OXNAD1: variants seen among roughly 807,000 people sequenced by gnomAD.
OXNAD1 encodes the protein oxidoreductase NAD binding domain containing 1, also known as oxidoreductase NAD-binding domain-containing protein 1.
In OXNAD1, 34 loss-of-function variants were observed where a neutral mutation model predicts 32.9. The ratio of observed to expected loss-of-function variants is 1.03; its 90% CI spans 0.79 to 1.38. The LOEUF (loss-of-function observed/expected upper bound fraction) is 1.38. OXNAD1 is among the 40% of genes most tolerant of loss of function. OXNAD1 has a pLI of 0.00. For synonymous variants in OXNAD1, 134 were observed against 135.2 expected (o/e 0.99, Z 0.06); for missense variants, 407 against 379.4 (o/e 1.07, Z -0.60).
chr3:16,344,207 A>C lies in OXNAD1; in HGVS notation c.*31-4969A>C, dbSNP rs1031207562. On this transcript the variant is annotated intron_variant, in intron 9 of 9. Transcript: ENST00000606098. The surrounding 1 kb of genome is among the most constrained non-coding windows in gnomAD (Gnocchi z 4.4). ...GTTGATACTTAAATGTATTCCTATTACATTTTATTGGGCTGGTTTTTGTCC... is the reference window on the plus strand; with the variant it reads ...GTTGATACTTAAATGTATTCCTATTCCATTTTATTGGGCTGGTTTTTGTCC... Among the ~76,000 whole-genome samples, 5 of 152,204 alleles carry C rather than the reference A, an allele frequency of 3.3e-5. No individual in the cohort carries two copies. Among genetic ancestry groups the C allele is most frequent in the Admixed American group, 6.5e-5 (1 of 15,272 alleles).
rs1353146049 is a variant in OXNAD1 at position 16,346,324 on chromosome 3, AACTT to A, written c.*31-2847_*31-2844del. 2.0e-5 allele frequency: 3 copies of A among 152,202 alleles called. No homozygotes were observed. Among genetic ancestry groups the A allele is most frequent in the South Asian group, 2.1e-4 (1 of 4,826 alleles). The allele number at this position is 152,202 out of a possible 1,614,324, so 9.4% of individuals were successfully genotyped here. On this transcript the variant is annotated intron_variant, in intron 9 of 9. Coordinates refer to the OXNAD1 transcript ENST00000606098. The surrounding 1 kb of genome is among the most constrained non-coding windows in gnomAD (Gnocchi z 4.4). The stretch of plus-strand genomic sequence containing the variant: ...GTTGGATAAATTTTTAAAAAGATAT[AACTT>A]ACTTGTATCACTAAATTTTGTATAT...
At position 16,271,841 on chromosome 3, in the gene OXNAD1, T is replaced by G. The variant is rs548527537; in HGVS notation, c.183+119T>G. 6.7e-5 allele frequency: 59 copies of G among 874,634 alleles called. No homozygotes were observed. Among genetic ancestry groups the G allele is most frequent in the Non-Finnish European group, 9.4e-5 (54 of 575,004 alleles). 54.2% of individuals were successfully genotyped at this position (874,634 alleles called of 1,614,324 possible). A position where few individuals can be genotyped will look rare whatever the true frequency, so the allele number is the denominator to read the frequency against. On this transcript the variant is annotated intron_variant, in intron 4 of 8. Coordinates refer to ENST00000285083, the MANE Select transcript of OXNAD1 (RefSeq NM_138381.5). This position sits in a 1 kb window ranked among gnomAD's most constrained non-coding sequence, Gnocchi z 4.6. ...CCTTTTGAAGGAGAGTTGGGAAGTTTGTTATTTTTCTATTTAGAAATTTTC... is the reference window on the plus strand; with the variant it reads ...CCTTTTGAAGGAGAGTTGGGAAGTTGGTTATTTTTCTATTTAGAAATTTTC...
At chr3:16,323,523 T>A in intron 9 of OXNAD1, 1 of 1,141,696 alleles carries the variant, frequency 8.8e-7, no homozygotes, top group Non-Finnish European at 1.3e-6. Flanking sequence ...CTGACACAGA[T>A]GTTGCCATCC....
chr3:16,287,505 G>A lies in OXNAD1; in HGVS notation c.290+1057G>A, dbSNP rs1282308585. Among the ~76,000 whole-genome samples, 1 of 152,118 alleles carries A rather than the reference G, an allele frequency of 6.6e-6. No homozygotes were observed. The highest frequency in any genetic ancestry group is 1.5e-5 in the Non-Finnish European group (1 of 68,028). The stretch of plus-strand genomic sequence containing the variant: ...ATGCATTTTGCCTGTTTTAGGGGGC[G>A]GGCAACATATTTACCCTTCAAAAAT... On this transcript the variant is annotated intron_variant, in intron 5 of 8. Coordinates refer to ENST00000285083, the MANE Select transcript of OXNAD1 (RefSeq NM_138381.5). This position sits in a 1 kb window ranked among gnomAD's most constrained non-coding sequence, Gnocchi z 4.8.
At chr3:16,349,521 T>C (rs367690048) in exon 10 of OXNAD1, 2 of 152,378 alleles carry the variant, frequency 1.3e-5, no homozygotes, top group African/African-American at 2.4e-5. Context: ...AGATGAGGTA[T>C]GTGAACTACG....
In OXNAD1 at chr3:16,297,422, G is replaced by A. The variant is rs185801452; in HGVS notation, c.432+2425G>A. ...AGTGGGAATGCAAAATAGTACAGCCGATCTGGAAAGCATTTTAGCAGTTTT... is the reference window on the plus strand; with the variant it reads ...AGTGGGAATGCAAAATAGTACAGCCAATCTGGAAAGCATTTTAGCAGTTTT... On this transcript the variant is annotated intron_variant, in intron 6 of 8. Coordinates refer to ENST00000285083, the MANE Select transcript of OXNAD1 (RefSeq NM_138381.5). This position sits in a 1 kb window ranked among gnomAD's most constrained non-coding sequence, Gnocchi z 4.3. Among the ~76,000 whole-genome samples the A allele has an allele frequency of 1.7e-3, 263 of 152,218 alleles. 1 individual carries two copies. The highest frequency in any genetic ancestry group is 5.9e-3 in the African/African-American group (246 of 41,534).
intron 4 of OXNAD1, among the ~76,000 whole-genome samples, chr3:16,273,711 A>G (rs533209516): frequency 1.3e-5 from 2 of 152,270 alleles, no homozygotes; most frequent in South Asian, 4.1e-4. Context: ...TTAACAGATG[A>G]AAAGACTAAG....
chr3:16,297,514 G>A lies in OXNAD1; in HGVS notation c.432+2517G>A, dbSNP rs943090497. On this transcript the variant is annotated intron_variant, in intron 6 of 8. Transcript: ENST00000285083. This position sits in a 1 kb window ranked among gnomAD's most constrained non-coding sequence, Gnocchi z 4.3. ...CCACTTCTGAGTGTCTTAGAGAAAT[G>A]AAGGCTATGTTTATATAAAAGCATA... Among the ~76,000 whole-genome samples the A allele has an allele frequency of 2.1e-4, 32 of 152,274 alleles. No individual in the cohort carries two copies. Among genetic ancestry groups the A allele is most frequent in the Admixed American group, 6.5e-4 (10 of 15,292 alleles).
chr3:16,273,384 G>GCT (rs565148731), intron 4 of OXNAD1, among the ~76,000 whole-genome samples: 8 of 121,032 alleles, frequency 6.6e-5, no homozygotes, highest in African/African-American at 2.6e-4. Context: ...GTATTTTCTT[G>GCT]TTTTTTTTTT....
chr3:16,311,217 G>A (rs996224437), intron 9 of OXNAD1, among the ~76,000 whole-genome samples: 8 of 138,200 alleles, frequency 5.8e-5, no homozygotes, highest in African/African-American at 8.0e-5. Context: ...TTTTTCAAAC[G>A]GAGTCTTGCT....
intron 4 of OXNAD1, among the ~76,000 whole-genome samples, chr3:16,281,341 A>G (rs2065724017): frequency 6.6e-6 from 1 of 152,220 alleles, no homozygotes; most frequent in Non-Finnish European, 1.5e-5. Flanking sequence ...TACTGTTTGT[A>G]TTTCAGGTTG....
chr3:16,347,352 A>G (rs942091556), intron 9 of OXNAD1, among the ~76,000 whole-genome samples: 1 of 152,266 alleles, frequency 6.6e-6, no homozygotes, highest in Non-Finnish European at 1.5e-5. Context: ...AACAATAGAA[A>G]TTTCTCACAG....
chr3:16,281,710 G>C (rs917405390), intron 4 of OXNAD1, among the ~76,000 whole-genome samples: 2 of 151,986 alleles, frequency 1.3e-5, no homozygotes, highest in African/African-American at 4.8e-5. Context: ...ATTTCACATA[G>C]CCTAGCACTT....
intron 1 of OXNAD1, among the ~76,000 whole-genome samples, chr3:16,267,959 C>T (rs979352365): frequency 1.3e-5 from 2 of 152,132 alleles, no homozygotes; most frequent in African/African-American, 2.4e-5. Context: ...TTATTTAGCA[C>T]TTATTATACT....
chr3:16,339,158 C>T (rs2071132477), downstream of OXNAD1: 3 of 152,272 alleles, frequency 2.0e-5, no homozygotes, highest in Admixed American at 6.5e-5. Context: ...CCCTAACTTT[C>T]TCTGCCTGGT....
intron 9 of OXNAD1, among the ~76,000 whole-genome samples, chr3:16,318,364 C>T (rs1057133122): frequency 6.6e-6 from 1 of 152,178 alleles, no homozygotes; most frequent in Non-Finnish European, 1.5e-5. Flanking sequence ...AAAGGGAGCT[C>T]TCAGTTCCTA....
intron 9 of OXNAD1, among the ~76,000 whole-genome samples, chr3:16,332,454 G>A (rs2070418651): frequency 6.6e-6 from 1 of 150,440 alleles, no homozygotes; most frequent in Admixed American, 6.6e-5. Flanking sequence ...TTGCTTCATG[G>A]ATACATTTAT....
chr3:16,340,630 G>A (rs1169342234), downstream of OXNAD1, among the ~76,000 whole-genome samples: 2 of 152,210 alleles, frequency 1.3e-5, no homozygotes, highest in Admixed American at 1.3e-4. Context: ...ACATTTAATG[G>A]AGATGAGTGT....
Position 16,277,453 on chromosome 3 carries a change from C to G in OXNAD1, c.183+5731C>G, listed in dbSNP as rs2065432814. Among the ~76,000 whole-genome samples, 1 of 152,194 alleles carries G rather than the reference C, an allele frequency of 6.6e-6. No homozygotes were observed. Among genetic ancestry groups the G allele is most frequent in the African/African-American group, 2.4e-5 (1 of 41,452 alleles). On this transcript the variant is annotated intron_variant, in intron 4 of 8. Coordinates refer to ENST00000285083, the MANE Select transcript of OXNAD1 (RefSeq NM_138381.5). This position sits in a 1 kb window ranked among gnomAD's most constrained non-coding sequence, Gnocchi z 4.3. ...AGGTTTGGCCATAACAGAACTGGAT[C>G]AGCTTCTTATAGTCTCGTCTTCCAT...
Sources: gnomAD v4.1 joint callset for allele counts (sites outside exome capture counted in the v4.1 genomes callset) on GRCh38, gnomAD v4.1.1 for gene constraint, Gnocchi (gnomAD v3.1) non-coding constraint, MANE v1.5 for transcripts, NCBI Gene and HGNC (gene_info 2026-07-23, HGNC 2026-07-21) for gene names.